Variants in PRIMA1 observed in about 807,000 individuals in gnomAD.
The protein encoded by PRIMA1 is proline rich membrane anchor 1.
PRIMA1 carries 7 observed loss-of-function variants against 17.5 expected under a neutral mutation model. The ratio of observed to expected loss-of-function variants is 0.40; its 90% CI spans 0.23 to 0.75. PRIMA1 has a LOEUF of 0.75. Ranked by LOEUF, PRIMA1 falls within the 30% of genes least tolerant of loss-of-function variation. PRIMA1 has a pLI of 0.37. For missense variants in PRIMA1, 200 were observed against 201.8 expected (o/e 0.99, Z 0.05); for synonymous variants, 97 against 77.9 (o/e 1.25, Z -1.29).
Position 93,738,651 on chromosome 14 carries a change from A to G in PRIMA1, c.230-1281T>C, listed in dbSNP as rs926995762. ...CCCAAAGGGTAATATGGATGGCTTC[A>G]TTATTATGATTTTTATCAAAGTGTA... is the stretch of plus-strand genomic sequence containing the variant. On this transcript the variant is annotated intron_variant, in intron 3 of 4. Transcript: ENST00000393140. 1.6e-4 allele frequency among the ~76,000 whole-genome samples: 24 copies of G among 152,198 alleles called. 1 individual carries two copies. Among genetic ancestry groups the G allele is most frequent in the African/African-American group, 5.1e-4 (21 of 41,448 alleles).
chr14:93,782,448 ATC>A (rs1297158801), intron 2 of PRIMA1, among the ~76,000 whole-genome samples: 2 of 151,440 alleles, frequency 1.3e-5, no homozygotes, highest in Admixed American at 6.6e-5. Context: ...GTGAGACCTC[ATC>A]TCTACAAATT....
intron 3 of PRIMA1, among the ~76,000 whole-genome samples, chr14:93,772,211 T>C (rs561718310): frequency 1.3e-5 from 2 of 152,366 alleles, no homozygotes; most frequent in East Asian, 3.9e-4. Context: ...CTTTGGCACA[T>C]AGGAGAAGAA....
At chr14:93,731,584 A>C (rs919363180) in intron 4 of PRIMA1, among the ~76,000 whole-genome samples, 1 of 152,260 alleles carries the variant, frequency 6.6e-6, no homozygotes, top group Admixed American at 6.5e-5. Flanking sequence ...AGGCATGCAC[A>C]ACATGCCTGA....
intron 3 of PRIMA1, among the ~76,000 whole-genome samples, chr14:93,751,644 T>C (rs957026697): frequency 6.6e-6 from 1 of 152,150 alleles, no homozygotes; most frequent in African/African-American, 2.4e-5. Context: ...TAAGTCCTGT[T>C]TAAAAGGGTC....
At chr14:93,728,480 A>T (rs1330989585) in intron 4 of PRIMA1, among the ~76,000 whole-genome samples, 1 of 151,964 alleles carries the variant, frequency 6.6e-6, no homozygotes, top group Admixed American at 6.5e-5. Flanking sequence ...GAGGAGAAAA[A>T]CACCAGCAGG....
intron 3 of PRIMA1, among the ~76,000 whole-genome samples, chr14:93,778,205 C>G (rs1885278478): frequency 6.6e-6 from 1 of 152,192 alleles, no homozygotes; most frequent in African/African-American, 2.4e-5. Context: ...CAAGAAGACG[C>G]ATTTTAAAAC....
At chr14:93,787,572 C>G in intron 2 of PRIMA1, 54 bp downstream of exon 2, 1 of 1,536,246 alleles carries the variant, frequency 6.5e-7, no homozygotes, top group African/African-American at 1.4e-5. Context: ...GAAGGGACAG[C>G]TCGCCCCTTA....
intron 3 of PRIMA1, among the ~76,000 whole-genome samples, chr14:93,748,024 G>A (rs942528359): frequency 1.5e-5 from 2 of 130,910 alleles, no homozygotes; most frequent in South Asian, 5.0e-4. Context: ...GTGAGAGTGG[G>A]GGACTGTGTG....
intron 3 of PRIMA1, among the ~76,000 whole-genome samples, chr14:93,749,681 C>T (rs536614322): frequency 2.6e-5 from 4 of 152,314 alleles, no homozygotes; most frequent in Non-Finnish European, 2.9e-5. Context: ...ATATATTAAA[C>T]GCCCAGCAGA....
intron 3 of PRIMA1, among the ~76,000 whole-genome samples, chr14:93,745,910 G>T (rs1233075759): frequency 1.3e-5 from 2 of 152,186 alleles, no homozygotes; most frequent in African/African-American, 2.4e-5. Flanking sequence ...GAAGGCAACA[G>T]AACCGCCTCC....
rs115386079 is a variant in PRIMA1, at chr14:93,744,312, G to A, written c.230-6942C>T. ...GTGGGGCCGGCCACTCTTCTGCGGTGCCTGCTCCCACACCGGGTCCCATTG... is the reference window on the plus strand; with the variant it reads ...GTGGGGCCGGCCACTCTTCTGCGGTACCTGCTCCCACACCGGGTCCCATTG... On this transcript the variant is annotated intron_variant, in intron 3 of 4. Coordinates refer to ENST00000393140, the MANE Select transcript of PRIMA1 (RefSeq NM_178013.4). Among the ~76,000 whole-genome samples, 384 of 152,306 alleles carry A rather than the reference G, an allele frequency of 2.5e-3. 1 individual carries two copies. The highest frequency in any genetic ancestry group is 8.7e-3 in the African/African-American group (362 of 41,578).
At chr14:93,758,046 C>T (rs2076302879) in intron 3 of PRIMA1, among the ~76,000 whole-genome samples, 1 of 152,158 alleles carries the variant, frequency 6.6e-6, no homozygotes, top group Non-Finnish European at 1.5e-5. Context: ...GGGGGGGTTC[C>T]CATGGAACAT....
chr14:93,761,816 C>T (rs187339859), intron 3 of PRIMA1, among the ~76,000 whole-genome samples: 2 of 152,310 alleles, frequency 1.3e-5, no homozygotes, highest in African/African-American at 2.4e-5. Flanking sequence ...AGTGACCTCC[C>T]GCTGGACACC....
At chr14:93,737,410 GCTGGT>G in intron 3 of PRIMA1, 40 bp from the exon 4 acceptor site, 1 of 1,603,346 alleles carries the variant, frequency 6.2e-7, no homozygotes, top group Non-Finnish European at 8.5e-7. Context: ...ACCTGGATGA[GCTGGT>G]CATGGCCAGT....
chr14:93,775,587 C>T (rs7158887), intron 3 of PRIMA1, among the ~76,000 whole-genome samples: 12,850 of 152,214 alleles, frequency 0.084, 602 homozygotes, highest in East Asian at 0.19. Flanking sequence ...CAACCTCCGC[C>T]TCCGTATTTT....
chr14:93,746,464 G>A (rs73338004), intron 3 of PRIMA1, among the ~76,000 whole-genome samples: 2 of 152,032 alleles, frequency 1.3e-5, no homozygotes, highest in Middle Eastern at 3.4e-3. Context: ...GTGCAGGCCC[G>A]GAGGTGAGTG....
intron 4 of PRIMA1, among the ~76,000 whole-genome samples, chr14:93,728,464 G>A (rs756055890): frequency 9.5e-4 from 144 of 152,258 alleles, no homozygotes; most frequent in Non-Finnish European, 1.5e-3. Context: ...GAGCGAGGGC[G>A]GAGAGGAGGA....
chr14:93,746,113 G>C (rs2076215955), intron 3 of PRIMA1, among the ~76,000 whole-genome samples: 1 of 152,134 alleles, frequency 6.6e-6, no homozygotes, highest in Admixed American at 6.5e-5. Flanking sequence ...AGGGGTCGCA[G>C]CCGGGCCTGG....
chr14:93,736,076 C>T (rs2076148372), intron 4 of PRIMA1, among the ~76,000 whole-genome samples: 1 of 152,206 alleles, frequency 6.6e-6, no homozygotes, highest in African/African-American at 2.4e-5. Context: ...CTTCTGGCCT[C>T]AAAGAAGCAC....
Sources: allele counts gnomAD v4.1 joint callset (sites outside exome capture counted in the v4.1 genomes callset), GRCh38; gene constraint gnomAD v4.1.1; transcripts MANE v1.5; gene names NCBI Gene and HGNC (gene_info 2026-07-23, HGNC 2026-07-21).